OPRM1: variants seen among roughly 807,000 people sequenced by gnomAD.
OPRM1 encodes the protein mu-type opioid receptor.
Under a neutral mutation model 31.8 loss-of-function variants are expected in OPRM1, and 27 were observed. The ratio of observed to expected loss-of-function variants is 0.85; its 90% CI spans 0.63 to 1.17. OPRM1 has a LOEUF of 1.17. OPRM1 is among the 50% of genes most tolerant of loss of function. OPRM1 has a pLI of 0.00. For missense variants in OPRM1, 536 were observed against 511.1 expected (o/e 1.05, Z -0.47); for synonymous variants, 196 against 189.9 (o/e 1.03, Z -0.26).
At chr6:154,059,629 A>AG (rs1784016411) in intron 1 of OPRM1, among the ~76,000 whole-genome samples, 1 of 152,220 alleles carries the variant, frequency 6.6e-6, no homozygotes, top group Non-Finnish European at 1.5e-5. Context: ...CCTTGAGGAC[A>AG]GACTGTGTCT....
chr6:154,088,546 T>C (rs1409218672), intron 1 of OPRM1, among the ~76,000 whole-genome samples: 1 of 152,216 alleles, frequency 6.6e-6, no homozygotes. Flanking sequence ...AATAGGTGTA[T>C]TTATTTATAA....
intron 1 of OPRM1, among the ~76,000 whole-genome samples, chr6:154,033,834 A>T (rs2128389089): frequency 6.6e-6 from 1 of 152,226 alleles, no homozygotes; most frequent in African/African-American, 2.4e-5. Flanking sequence ...GGTCAAAAAA[A>T]TTTTAATAAT....
intron 3 of OPRM1, among the ~76,000 whole-genome samples, chr6:154,202,264 C>T (rs997088443): frequency 2.0e-5 from 3 of 152,150 alleles, no homozygotes; most frequent in African/African-American, 7.2e-5. Flanking sequence ...AAAATCCATT[C>T]AGGAATATGT....
intron 1 of OPRM1, among the ~76,000 whole-genome samples, chr6:154,017,862 A>G (rs1778095493): frequency 1.4e-5 from 2 of 143,182 alleles, no homozygotes; most frequent in Admixed American, 7.0e-5. Flanking sequence ...ATGTTACTAT[A>G]TAACTGTGCT....
At chr6:154,068,147 A>G (rs1399322980) in intron 1 of OPRM1, among the ~76,000 whole-genome samples, 2 of 152,142 alleles carry the variant, frequency 1.3e-5, no homozygotes, top group Admixed American at 6.5e-5. Flanking sequence ...AATTTCTTAA[A>G]TCATGTACCA....
At chr6:154,180,585 C>T (rs1800788219) in intron 3 of OPRM1, among the ~76,000 whole-genome samples, 1 of 151,998 alleles carries the variant, frequency 6.6e-6, no homozygotes, top group African/African-American at 2.4e-5. Flanking sequence ...ACAGCACAGG[C>T]ATGCCCCAGT....
At chr6:154,195,147 CTTT>C (rs10719288) in intron 3 of OPRM1, among the ~76,000 whole-genome samples, 6 of 122,874 alleles carry the variant, frequency 4.9e-5, no homozygotes, top group Admixed American at 8.2e-5. Flanking sequence ...TCTTTTCTTT[CTTT>C]TTTTTTTTTT....
intron 1 of OPRM1, among the ~76,000 whole-genome samples, chr6:154,013,046 C>A (rs1777815661): frequency 6.6e-6 from 1 of 152,002 alleles, no homozygotes; most frequent in Admixed American, 6.6e-5. Flanking sequence ...GGGGGGTACA[C>A]AAATAGCATA....
intron 1 of OPRM1, among the ~76,000 whole-genome samples, chr6:154,046,147 A>G (rs1781073928): frequency 1.3e-5 from 2 of 152,230 alleles, no homozygotes; most frequent in African/African-American, 4.8e-5. Flanking sequence ...AGACCTATCA[A>G]TAAAGGTTTT....
intron 3 of OPRM1, among the ~76,000 whole-genome samples, chr6:154,185,961 G>T (rs1801304285): frequency 2.0e-5 from 3 of 152,142 alleles, no homozygotes; most frequent in Admixed American, 1.3e-4. Flanking sequence ...CGACCCTTTT[G>T]GTTCCCCTTC....
intron 3 of OPRM1, chr6:154,110,475 C>A: frequency 1.8e-6 from 2 of 1,098,828 alleles, no homozygotes; most frequent in Non-Finnish European, 2.7e-6. Context: ...GGTTCTGCTG[C>A]TAGCCCTAAT....
chr6:154,106,309 G>T (rs2128509831), intron 3 of OPRM1, among the ~76,000 whole-genome samples: 1 of 152,222 alleles, frequency 6.6e-6, no homozygotes, highest in African/African-American at 2.4e-5. Context: ...TTCTATTTTT[G>T]ATGAAAACCT....
chr6:154,209,548 G>A (rs534131346), intron 3 of OPRM1, among the ~76,000 whole-genome samples: 15 of 151,740 alleles, frequency 9.9e-5, no homozygotes, highest in South Asian at 6.2e-4. Flanking sequence ...TCGGGGGGCC[G>A]AGGTGGGAGG....
chr6:154,173,821 A>G (rs1800071521), intron 3 of OPRM1, among the ~76,000 whole-genome samples: 1 of 152,218 alleles, frequency 6.6e-6, no homozygotes, highest in East Asian at 1.9e-4. Context: ...AATACAGAGA[A>G]CGCCACAAAG....
intron 1 of OPRM1, chr6:154,083,740 AGACCATCCTGGCTACGACAC>A (rs1184483603): frequency 6.6e-6 from 1 of 152,498 alleles, no homozygotes; most frequent in Admixed American, 6.5e-5. Flanking sequence ...CAGGAGATCG[AGACCATCCTGGCTACGACAC>A]GGTGAAACCC....
In OPRM1 at chr6:154,231,083, G is replaced by C. The variant is rs570685295; in HGVS notation, c.1165-15610G>C. Among the ~76,000 whole-genome samples, 6 of 152,316 alleles carry C rather than the reference G, an allele frequency of 3.9e-5. No individual in the cohort carries two copies. In the East Asian group the frequency reaches 1.2e-3, roughly 29 times the overall value. On this transcript the variant is annotated intron_variant, in intron 3 of 3. Transcript: ENST00000337049. ...CAAAACCCCCAGGGCACTGGAAACA[G>C]ATGAGGTCTAAACTCTGAGCTGAGC...
chr6:154,218,467 G>A (rs1330153609), intron 3 of OPRM1, among the ~76,000 whole-genome samples: 1 of 152,082 alleles, frequency 6.6e-6, no homozygotes. Context: ...AAATGCAGTT[G>A]CCCAGGGAGA....
At chr6:154,012,047 C>T (rs1164207592) in intron 1 of OPRM1, among the ~76,000 whole-genome samples, 1 of 152,078 alleles carries the variant, frequency 6.6e-6, no homozygotes, top group Non-Finnish European at 1.5e-5. Flanking sequence ...TATGATGAGA[C>T]TAAATCAATA....
chr6:154,175,386 C>CTT (rs149218711), intron 3 of OPRM1, among the ~76,000 whole-genome samples: 4,500 of 143,314 alleles, frequency 0.031, 168 homozygotes, highest in African/African-American at 0.091. Flanking sequence ...AATCCAGGAG[C>CTT]TTTTTTTTTT....
Sources: allele counts gnomAD v4.1 joint callset (sites outside exome capture counted in the v4.1 genomes callset), GRCh38; gene constraint gnomAD v4.1.1; transcripts MANE v1.5; gene names NCBI Gene and HGNC (gene_info 2026-07-23, HGNC 2026-07-21).